CLASP1: variants seen among roughly 807,000 people sequenced by gnomAD.
CLASP1 encodes cytoplasmic linker associated protein 1.
Under a neutral mutation model 192.3 loss-of-function variants are expected in CLASP1, and 38 were observed. The observed-to-expected ratio is 0.20, with a 90% CI of 0.15 to 0.26. The LOEUF is 0.26. Among genes scored for constraint, CLASP1 ranks in the 10% least tolerant of loss-of-function variants. The pLI is 1.00. For synonymous variants in CLASP1, 691 were observed against 712.8 expected, an observed-to-expected ratio of 0.97 and a Z score of 0.49; for missense variants, 1,433 against 1,932.5, an observed-to-expected ratio of 0.74 and a Z score of 4.85.
chr2:121,604,321 T>C (rs1211002725), intron 2 of CLASP1, among the ~76,000 whole-genome samples: 1 of 152,216 alleles, frequency 6.6e-6, no homozygotes, highest in East Asian at 1.9e-4. Context: ...ATTGATAATT[T>C]CAGCTAAGTG....
intron 2 of CLASP1, among the ~76,000 whole-genome samples, chr2:121,604,717 A>G (rs563472116): frequency 1.3e-5 from 2 of 152,354 alleles, no homozygotes; most frequent in South Asian, 2.1e-4. Flanking sequence ...TCCAGTGATA[A>G]GTGAAATATT....
chr2:121,635,592 G>C (rs1464714196), intron 1 of CLASP1, among the ~76,000 whole-genome samples: 2 of 152,154 alleles, frequency 1.3e-5, no homozygotes, highest in African/African-American at 2.4e-5. Flanking sequence ...TGATCTCTTA[G>C]GGCAAGTAAC....
intron 26 of CLASP1, chr2:121,403,731 A>G: frequency 2.2e-6 from 1 of 464,776 alleles, no homozygotes; most frequent in Non-Finnish European, 4.3e-6. Flanking sequence ...CACCCCTGGA[A>G]AGTGTTCTGT....
At chr2:121,571,868 CT>C (rs1362720094) in intron 2 of CLASP1, among the ~76,000 whole-genome samples, 1 of 151,844 alleles carries the variant, frequency 6.6e-6, no homozygotes, top group African/African-American at 2.4e-5. Context: ...GGTGTTTGGG[CT>C]TTCTTGTTTA....
At chr2:121,608,928 T>C (rs993878939) in intron 1 of CLASP1, among the ~76,000 whole-genome samples, 6 of 152,220 alleles carry the variant, frequency 3.9e-5, no homozygotes, top group Admixed American at 3.9e-4. Context: ...GCTTCTGTGC[T>C]TACGTAATAC....
intron 22 of CLASP1, 90 bp from the exon 23 acceptor site, chr2:121,418,819 G>T (rs2079023175): frequency 2.1e-6 from 2 of 948,974 alleles, no homozygotes; most frequent in Non-Finnish European, 3.4e-6. Context: ...TTTGGTTAAT[G>T]TAATTACGAC....
chr2:121,363,116 C>T, intron 37 of CLASP1, 56 bp downstream of exon 38: 4 of 1,603,234 alleles, frequency 2.5e-6, no homozygotes, highest in Non-Finnish European at 3.4e-6. Flanking sequence ...TCTCCATGTC[C>T]AAACTGCTCC....
In CLASP1 at chr2:121,585,296, A is replaced by G. The variant is rs903348077; in HGVS notation, c.195+20405T>C. ...GAAACTGACGAGGGGAAGCCCCAAC[A>G]TTACAAAATGCTTTCAAGACATCTC... is the stretch of plus-strand genomic sequence containing the variant. On this transcript the variant is annotated intron_variant, in intron 2 of 39. Coordinates refer to ENST00000263710, the Ensembl canonical transcript of CLASP1. Among the ~76,000 whole-genome samples the G allele has an allele frequency of 3.1e-4, 47 of 152,272 alleles. 1 individual carries two copies. The highest frequency in any genetic ancestry group is 2.4e-4 in the Non-Finnish European group (16 of 68,052).
chr2:121,574,292 C>T (rs1032017235), intron 2 of CLASP1, among the ~76,000 whole-genome samples: 10 of 150,130 alleles, frequency 6.7e-5, no homozygotes, highest in African/African-American at 2.5e-4. Context: ...TGTGCCACTG[C>T]ACTCCAGCCT....
intron 2 of CLASP1, among the ~76,000 whole-genome samples, chr2:121,550,806 TA>T (rs1166824039): frequency 6.6e-6 from 1 of 152,086 alleles, no homozygotes; most frequent in Non-Finnish European, 1.5e-5. Context: ...GAACAGCTGA[TA>T]CCATTCCTAC....
chr2:121,404,393 A>G, exon 26 of CLASP1: 3 of 1,612,606 alleles, frequency 1.9e-6, no homozygotes, highest in South Asian at 1.1e-5. Context: ...GTCAGCAAAC[A>G]TCCGAGTGAA....
At chr2:121,461,170 C>T in exon 11 of CLASP1, 1 of 1,601,308 alleles carries the variant, frequency 6.2e-7, no homozygotes, top group Non-Finnish European at 8.5e-7. Context: ...TTATGGATTC[C>T]TCAAGGTCTC....
chr2:121,495,064 T>C (rs2093471988), intron 8 of CLASP1, among the ~76,000 whole-genome samples: 1 of 151,674 alleles, frequency 6.6e-6, no homozygotes, highest in South Asian at 2.1e-4. Context: ...GGCTCACGTC[T>C]GTAATCCCAA....
chr2:121,388,085 C>T (rs2073655803), intron 30 of CLASP1, 179 bp from the exon 32 acceptor site: 6 of 508,484 alleles, frequency 1.2e-5, no homozygotes, highest in South Asian at 5.8e-5. Flanking sequence ...TGACTTCAAT[C>T]GGGAAAATAA....
exon 2 of CLASP1, chr2:121,605,968 G>A (rs1471669865): frequency 1.4e-6 from 2 of 1,411,072 alleles, no homozygotes; most frequent in Non-Finnish European, 1.9e-6. Context: ...AGACGTATCT[G>A]GGAGGTTGCC....
intron 23 of CLASP1, among the ~76,000 whole-genome samples, chr2:121,417,754 A>G (rs565879630): frequency 6.6e-6 from 1 of 152,374 alleles, no homozygotes; most frequent in Non-Finnish European, 1.5e-5. Flanking sequence ...GAAGAAGTGA[A>G]TAACATTAGA....
At chr2:121,466,405 C>T (rs185793618) in intron 9 of CLASP1, among the ~76,000 whole-genome samples, 84 of 152,186 alleles carry the variant, frequency 5.5e-4, no homozygotes, top group Non-Finnish European at 9.4e-4. Flanking sequence ...ATTCTAGGGC[C>T]GGTTCAGAAT....
chr2:121,624,965 A>T (rs2068046590), intron 1 of CLASP1, among the ~76,000 whole-genome samples: 1 of 152,114 alleles, frequency 6.6e-6, no homozygotes, highest in African/African-American at 2.4e-5. Context: ...CATATTCTGA[A>T]TTCCCCAAAT....
intron 1 of CLASP1, among the ~76,000 whole-genome samples, chr2:121,629,825 A>G (rs1256325793): frequency 4.7e-5 from 7 of 150,442 alleles, no homozygotes; most frequent in African/African-American, 1.8e-4. Flanking sequence ...GAAAACAAAA[A>G]TGATGCCATT....
Sources: gnomAD v4.1 joint callset for allele counts (sites outside exome capture counted in the v4.1 genomes callset) on GRCh38, gnomAD v4.1.1 for gene constraint, MANE v1.5 for transcripts, NCBI Gene and HGNC (gene_info 2026-07-23, HGNC 2026-07-21) for gene names.